The following RALY variants were observed in gnomAD, a reference collection of about 807,000 sequenced individuals.
The protein encoded by RALY is RNA-binding protein Raly.
A neutral mutation model predicts 30.7 loss-of-function variants in RALY; 15 were observed. The ratio of observed to expected loss-of-function variants is 0.49; its 90% CI spans 0.33 to 0.75. RALY has a LOEUF of 0.75. RALY is among the 30% of genes least tolerant of loss of function. RALY has a pLI of 0.02. For missense variants in RALY, 339 were observed against 414.3 expected (o/e 0.82, Z 1.58); for synonymous variants, 177 against 170.8 (o/e 1.04, Z -0.28).
At chr20:34,036,386 T>A (rs1028265988) in intron 2 of RALY, among the ~76,000 whole-genome samples, 4 of 152,264 alleles carry the variant, frequency 2.6e-5, no homozygotes, top group Non-Finnish European at 5.9e-5. Context: ...ATTACATTAA[T>A]TGATTTTCAG....
At chr20:34,076,296 A>G (rs1280962534) in intron 6 of RALY, 2 of 559,302 alleles carry the variant, frequency 3.6e-6, no homozygotes, top group African/African-American at 3.8e-5. Flanking sequence ...TTCCTCTAGT[A>G]AGGATAAGGA....
intron 1 of RALY, among the ~76,000 whole-genome samples, chr20:34,001,996 T>TGATCCAGATCA (rs1404132847): frequency 6.6e-6 from 1 of 152,196 alleles, no homozygotes; most frequent in Non-Finnish European, 1.5e-5. Context: ...CTCGATCTCC[T>TGATCCAGATCA]GACCTGGTGA....
chr20:34,037,756 TAG>T (rs1164864588), intron 2 of RALY, among the ~76,000 whole-genome samples: 1 of 152,168 alleles, frequency 6.6e-6, no homozygotes, highest in Non-Finnish European at 1.5e-5. Flanking sequence ...GGACCTGGGA[TAG>T]AGTCTGAGAA....
In RALY at chr20:34,054,330, G is replaced by T. The variant is rs1300788776; in HGVS notation, c.-9-17736G>T. 5.9e-5 allele frequency among the ~76,000 whole-genome samples: 9 copies of T among 152,298 alleles called. No homozygotes were observed. In the East Asian group the frequency reaches 1.7e-3, roughly 29 times the overall value. On this transcript the variant is annotated intron_variant, in intron 2 of 9. Coordinates refer to ENST00000246194, the MANE Select transcript of RALY (RefSeq NM_016732.3). ...TCAAGGAGTTCAGAATTTAATGGAG[G>T]GAGACAGATGTGTAAATACAAAAGT... is the stretch of plus-strand genomic sequence containing the variant.
chr20:34,077,397 A>G (rs2033923602), intron 8 of RALY, 152 bp downstream of exon 8: 2 of 1,501,892 alleles, frequency 1.3e-6, no homozygotes, highest in Non-Finnish European at 1.8e-6. Context: ...GAAAGAGGGA[A>G]GAATGAGCAG....
chr20:34,061,271 T>C (rs1030376617), intron 2 of RALY, among the ~76,000 whole-genome samples: 1 of 152,108 alleles, frequency 6.6e-6, no homozygotes. Context: ...CCATTAGAAG[T>C]GTTTGGTGGC....
chr20:34,004,634 A>G (rs2031077876), intron 1 of RALY, among the ~76,000 whole-genome samples: 1 of 152,252 alleles, frequency 6.6e-6, no homozygotes, highest in South Asian at 2.1e-4. Context: ...TCATGTCGTT[A>G]TGAAGCCAAT....
At chr20:33,998,927 G>A (rs1428008688) in intron 1 of RALY, among the ~76,000 whole-genome samples, 1 of 151,960 alleles carries the variant, frequency 6.6e-6, no homozygotes, top group Non-Finnish European at 1.5e-5. Context: ...AGGAGTTTGA[G>A]ACTAGCCTGG....
At chr20:34,039,770 C>T (rs560710035) in intron 2 of RALY, among the ~76,000 whole-genome samples, 88 of 152,278 alleles carry the variant, frequency 5.8e-4, no homozygotes, top group Non-Finnish European at 9.1e-4. Context: ...AATTCAGATT[C>T]CTGCCAGTAC....
chr20:34,041,256 C>T (rs1421090373), intron 2 of RALY, among the ~76,000 whole-genome samples: 1 of 152,222 alleles, frequency 6.6e-6, no homozygotes, highest in Non-Finnish European at 1.5e-5. Flanking sequence ...CGTGATAAGT[C>T]TCCTCCAGGG....
intron 1 of RALY, among the ~76,000 whole-genome samples, chr20:34,007,618 G>A (rs776417225): frequency 4.0e-5 from 6 of 150,406 alleles, no homozygotes; most frequent in South Asian, 2.1e-4. Flanking sequence ...TCAGGAGTTC[G>A]AGACCAGCCT....
In RALY at chr20:34,076,033, G is replaced by A; in HGVS notation, c.537G>A (p.Lys179=). 6.2e-7 allele frequency: 1 copy of A among 1,613,472 alleles called. No individual in the cohort carries two copies. Among genetic ancestry groups the A allele is most frequent in the East Asian group, 2.2e-5 (1 of 44,856 alleles). Residue 179 remains lysine, a synonymous_variant, in exon 6 of 10, where the codon AAG becomes AAA. Coordinates refer to ENST00000246194, the MANE Select transcript of RALY (RefSeq NM_016732.3). ...CAGCTGTCACCACCAGCTCAGCCAA[G>A]ATCAAGTGTGAGTGACTGTATCATA... ...RSTAVTTSSA[K]IKLKSSELQA... is the part of the protein sequence containing the mutation.
intron 2 of RALY, among the ~76,000 whole-genome samples, chr20:34,043,188 C>A (rs921593175): frequency 6.6e-6 from 1 of 152,224 alleles, no homozygotes; most frequent in Admixed American, 6.5e-5. Context: ...AGACTTGCTT[C>A]TTTTTCTTCC....
At chr20:34,052,633 G>A (rs1601476656) in intron 2 of RALY, among the ~76,000 whole-genome samples, 2 of 152,140 alleles carry the variant, frequency 1.3e-5, no homozygotes, top group African/African-American at 4.8e-5. Flanking sequence ...AGGCTTAATG[G>A]CCATCAGATG....
At chr20:34,073,037 G>A (rs565604159) in intron 3 of RALY, among the ~76,000 whole-genome samples, 2 of 152,014 alleles carry the variant, frequency 1.3e-5, no homozygotes, top group Non-Finnish European at 2.9e-5. Flanking sequence ...ACCTTTTCAT[G>A]TAGTAAGGAC....
At chr20:34,024,103 T>G (rs2031930041) in intron 1 of RALY, among the ~76,000 whole-genome samples, 1 of 152,080 alleles carries the variant, frequency 6.6e-6, no homozygotes, top group African/African-American at 2.4e-5. Context: ...TCTGTGACTT[T>G]GGACAGATTC....
chr20:34,037,909 A>G (rs768896644), intron 2 of RALY, among the ~76,000 whole-genome samples: 2 of 152,296 alleles, frequency 1.3e-5, no homozygotes, highest in Non-Finnish European at 1.5e-5. Flanking sequence ...AGAGAATTCT[A>G]TGCAGGAGCG....
chr20:34,043,079 T>C (rs2032758471), intron 2 of RALY, among the ~76,000 whole-genome samples: 1 of 152,246 alleles, frequency 6.6e-6, no homozygotes, highest in Admixed American at 6.5e-5. Context: ...TGTGACCTCT[T>C]TACTAAGGTT....
rs1035558672 is a variant in RALY at position 34,080,600 on chromosome 20, C to G, written c.*695C>G. 2 of 152,336 alleles carry G rather than the reference C, an allele frequency of 1.3e-5. No homozygotes were observed. The highest frequency in any genetic ancestry group is 4.8e-5 in the African/African-American group (2 of 41,440). The allele number at this position is 152,336 out of a possible 1,614,324, so 9.4% of individuals were successfully genotyped here. A position where few individuals can be genotyped will look rare whatever the true frequency, so the allele number is the denominator to read the frequency against. ...ACCTTCTCTCTTCTGGCTTAGGACA[C>G]TATAATTTTTTCATTTGGACGTTGT... On this transcript the variant is annotated 3_prime_UTR_variant, in exon 10 of 10. Transcript: ENST00000246194.
Sources: gnomAD v4.1 joint callset for allele counts (sites outside exome capture counted in the v4.1 genomes callset) on GRCh38, gnomAD v4.1.1 for gene constraint, MANE v1.5 for transcripts, NCBI Gene and HGNC (gene_info 2026-07-23, HGNC 2026-07-21) for gene names.